The following CAB39 variants were observed in gnomAD, a reference collection of about 807,000 sequenced individuals.
CAB39 encodes the protein calcium-binding protein 39.
CAB39 carries 8 observed loss-of-function variants against 40.0 expected under a neutral mutation model. The ratio of observed to expected loss-of-function variants is 0.20; its 90% CI spans 0.12 to 0.36. The LOEUF is 0.36. Among genes scored for constraint, CAB39 ranks in the 10% least tolerant of loss-of-function variants. CAB39 has a pLI of 1.00. For synonymous variants in CAB39, 156 were observed against 141.6 expected, an observed-to-expected ratio of 1.10 and a Z score of -0.72; for missense variants, 270 against 401.1, an observed-to-expected ratio of 0.67 and a Z score of 2.79.
chr2:230,713,962 T>TC (rs1694302356), intron 1 of CAB39: 1 of 152,462 alleles, frequency 6.6e-6, no homozygotes, highest in Admixed American at 6.5e-5. Context: ...ACCGATCACT[T>TC]CTGCCTCGCA....
At chr2:230,784,778 A>C (rs1378695232) in intron 2 of CAB39, among the ~76,000 whole-genome samples, 2 of 152,154 alleles carry the variant, frequency 1.3e-5, no homozygotes, top group East Asian at 1.9e-4. Flanking sequence ...CAGCAGAGAG[A>C]GCTTTACTTT....
At chr2:230,789,088 CATTTTAGATAG>C (rs1412311907) in intron 2 of CAB39, among the ~76,000 whole-genome samples, 4 of 152,188 alleles carry the variant, frequency 2.6e-5, no homozygotes, top group Non-Finnish European at 5.9e-5. Flanking sequence ...CCCTAAGTTT[CATTTTAGATAG>C]TTTTTAGGCT....
intron 6 of CAB39, among the ~76,000 whole-genome samples, chr2:230,811,306 T>G (rs1166646579): frequency 6.6e-6 from 1 of 152,154 alleles, no homozygotes; most frequent in Non-Finnish European, 1.5e-5. Flanking sequence ...CTTTTGTGGG[T>G]TTTTTTCCCT....
At chr2:230,800,426 T>C (rs1352457962) in intron 5 of CAB39, among the ~76,000 whole-genome samples, 2 of 152,242 alleles carry the variant, frequency 1.3e-5, no homozygotes, top group East Asian at 3.8e-4. Context: ...GATATTTGTA[T>C]GTAGGTGTAC....
chr2:230,795,463 T>C (rs1180838394), intron 4 of CAB39, among the ~76,000 whole-genome samples: 2 of 152,250 alleles, frequency 1.3e-5, no homozygotes, highest in Non-Finnish European at 2.9e-5. Flanking sequence ...TTCCACTATC[T>C]GCTAGTGATT....
intron 1 of CAB39, among the ~76,000 whole-genome samples, chr2:230,746,515 G>A (rs566313523): frequency 2.0e-5 from 3 of 152,306 alleles, no homozygotes; most frequent in Admixed American, 6.5e-5. Flanking sequence ...TGGGTATTAC[G>A]TGAAGCCATC....
intron 5 of CAB39, among the ~76,000 whole-genome samples, chr2:230,803,881 A>G (rs565151533): frequency 1.5e-4 from 23 of 152,374 alleles, no homozygotes; most frequent in African/African-American, 5.3e-4. Context: ...CTTTCTTCAC[A>G]GAATTGGAAA....
intron 6 of CAB39, among the ~76,000 whole-genome samples, chr2:230,813,528 T>C (rs866590348): frequency 1.3e-5 from 2 of 152,282 alleles, no homozygotes; most frequent in Middle Eastern, 3.4e-3. Context: ...ATGCTGAATT[T>C]CTCCTCTCTT....
At chr2:230,763,974 T>C (rs1421661743) in intron 2 of CAB39, among the ~76,000 whole-genome samples, 1 of 151,924 alleles carries the variant, frequency 6.6e-6, no homozygotes, top group African/African-American at 2.4e-5. Flanking sequence ...ATACAAAAAT[T>C]AGCCGGGTGT....
At chr2:230,798,186 T>A (rs905656822) in intron 4 of CAB39, among the ~76,000 whole-genome samples, 1 of 152,158 alleles carries the variant, frequency 6.6e-6, no homozygotes, top group African/African-American at 2.4e-5. Flanking sequence ...CTTTGTGAAG[T>A]CCTCAGGAGG....
chr2:230,810,449 T>C (rs928096365), intron 6 of CAB39, 127 bp downstream of exon 6: 4 of 421,272 alleles, frequency 9.5e-6, no homozygotes, highest in African/African-American at 8.3e-5. Context: ...AATGGTGCCG[T>C]AGTTATTTCT....
At chr2:230,792,166 A>G (rs1695903482) in intron 3 of CAB39, among the ~76,000 whole-genome samples, 1 of 152,250 alleles carries the variant, frequency 6.6e-6, no homozygotes, top group Non-Finnish European at 1.5e-5. Context: ...TTCATTTCAT[A>G]GCTGATTTCA....
chr2:230,797,669 A>G (rs1466238625), intron 4 of CAB39, among the ~76,000 whole-genome samples: 1 of 152,148 alleles, frequency 6.6e-6, no homozygotes, highest in East Asian at 1.9e-4. Context: ...GTTAGTAGTC[A>G]TGGTGGGAGC....
Position 230,818,672 on chromosome 2 carries a change from G to T in CAB39, c.994G>T (p.Asp332Tyr), listed in dbSNP as rs150621772. Reference sequence around the variant, plus strand: ...GACCTATTTAGTTAAACAGATCAGGGATTTGAAGAGACCAGCTCAGCAAGA... The same window carrying T: ...GACCTATTTAGTTAAACAGATCAGGTATTTGAAGAGACCAGCTCAGCAAGA... Reference protein sequence around the residue: ...EKTYLVKQIRDLKRPAQQEA With the variant: ...EKTYLVKQIRYLKRPAQQEA The change falls in exon 9 of 9, where the codon GAT (aspartate) becomes TAT (tyrosine). Residue 332 changes from aspartate (D) to tyrosine (Y), a missense_variant. By Grantham distance (160) the Asp-to-Tyr change is radical. Coordinates refer to ENST00000258418, the MANE Select transcript of CAB39 (RefSeq NM_016289.4). The T allele has an allele frequency of 1.2e-6, 2 of 1,614,086 alleles. No homozygotes were observed. Among genetic ancestry groups the T allele is most frequent in the Non-Finnish European group, 1.7e-6 (2 of 1,179,966 alleles).
At chr2:230,772,979 C>CAAAA (rs1402536381) in intron 2 of CAB39, among the ~76,000 whole-genome samples, 12 of 60,904 alleles carry the variant, frequency 2.0e-4, no homozygotes, top group South Asian at 6.2e-4. Flanking sequence ...TACTACTCAG[C>CAAAA]AATAAAAAAA....
At chr2:230,778,494 C>T (rs546487752) in intron 2 of CAB39, among the ~76,000 whole-genome samples, 10 of 152,172 alleles carry the variant, frequency 6.6e-5, no homozygotes, top group Non-Finnish European at 1.0e-4. Flanking sequence ...TGATAGGTAC[C>T]GTGGGAATAT....
chr2:230,725,724 G>A (rs937512464), intron 1 of CAB39, among the ~76,000 whole-genome samples: 2 of 152,158 alleles, frequency 1.3e-5, no homozygotes, highest in Non-Finnish European at 2.9e-5. Flanking sequence ...AAACAGATGA[G>A]GTCAAGTCTC....
chr2:230,732,515 T>A (rs567233599), intron 1 of CAB39, among the ~76,000 whole-genome samples: 1 of 152,346 alleles, frequency 6.6e-6, no homozygotes, highest in East Asian at 1.9e-4. Flanking sequence ...CATAATCTGT[T>A]ATTTTCAGTT....
intron 1 of CAB39, among the ~76,000 whole-genome samples, chr2:230,734,929 T>A (rs1402430473): frequency 6.6e-6 from 1 of 152,166 alleles, no homozygotes; most frequent in Non-Finnish European, 1.5e-5. Flanking sequence ...CAATATTTGG[T>A]GGCGGTGGTG....
Sources: allele counts gnomAD v4.1 joint callset (sites outside exome capture counted in the v4.1 genomes callset), GRCh38; gene constraint gnomAD v4.1.1; transcripts MANE v1.5; gene names NCBI Gene and HGNC (gene_info 2026-07-23, HGNC 2026-07-21).